TAFA1: variants seen among roughly 807,000 people sequenced by gnomAD.
TAFA1 encodes the protein TAFA chemokine like family member 1, also known as chemokine-like protein TAFA-1.
In TAFA1, 4 loss-of-function variants were observed where a neutral mutation model predicts 18.5. That is an observed-to-expected ratio of 0.22 (90% confidence interval 0.11 to 0.49). The LOEUF (loss-of-function observed/expected upper bound fraction) is 0.49, where lower values mean the gene tolerates loss of function less well. Ranked by LOEUF, TAFA1 falls within the 20% of genes least tolerant of loss-of-function variation. The pLI, the probability that TAFA1 is intolerant of heterozygous loss-of-function variation, is 0.98. For synonymous variants in TAFA1, 56 were observed against 55.2 expected (o/e 1.01, Z -0.06); for missense variants, 147 against 169.0 (o/e 0.87, Z 0.72).
chr3:68,272,223 G>A (rs1057442480), intron 2 of TAFA1, among the ~76,000 whole-genome samples: 1 of 152,076 alleles, frequency 6.6e-6, no homozygotes, highest in Non-Finnish European at 1.5e-5. Flanking sequence ...GTGTGCTGCT[G>A]GATCTTCATT....
At chr3:68,178,629 G>A (rs1051017916) in intron 2 of TAFA1, among the ~76,000 whole-genome samples, 2 of 152,220 alleles carry the variant, frequency 1.3e-5, no homozygotes, top group African/African-American at 4.8e-5. Flanking sequence ...AAGAGAAACA[G>A]ATATATATGC....
At chr3:68,076,405 C>A (rs1471390274) in intron 2 of TAFA1, among the ~76,000 whole-genome samples, 2 of 151,522 alleles carry the variant, frequency 1.3e-5, no homozygotes, top group Non-Finnish European at 2.9e-5. Flanking sequence ...GCGCTGCACC[C>A]ACTAACTCAT....
chr3:68,306,613 C>A (rs138327611), intron 2 of TAFA1, among the ~76,000 whole-genome samples: 8 of 152,290 alleles, frequency 5.3e-5, no homozygotes, highest in Non-Finnish European at 8.8e-5. Context: ...TCCGCCTCCA[C>A]CTCCTGGATG....
At chr3:68,404,862 G>T (rs531230945) in intron 2 of TAFA1, among the ~76,000 whole-genome samples, 1 of 151,520 alleles carries the variant, frequency 6.6e-6, no homozygotes, top group African/African-American at 2.4e-5. Context: ...GGCTCAGCAA[G>T]AGGACCAACT....
intron 2 of TAFA1, among the ~76,000 whole-genome samples, chr3:68,039,446 T>C (rs1362172473): frequency 6.6e-6 from 1 of 152,160 alleles, no homozygotes; most frequent in Non-Finnish European, 1.5e-5. Flanking sequence ...TTAGGTCGTT[T>C]CTAGGCTTTT....
chr3:68,279,970 C>T (rs903072458), intron 2 of TAFA1, among the ~76,000 whole-genome samples: 1 of 152,086 alleles, frequency 6.6e-6, no homozygotes, highest in Non-Finnish European at 1.5e-5. Flanking sequence ...GCATAGTGTT[C>T]TTATTTTCCC....
At chr3:68,091,229 G>A (rs370716287) in intron 2 of TAFA1, among the ~76,000 whole-genome samples, 26 of 152,278 alleles carry the variant, frequency 1.7e-4, no homozygotes, top group African/African-American at 6.0e-4. Context: ...TGAAAATTGG[G>A]CATTTTAAAT....
chr3:68,499,712 T>C (rs1359585529), intron 3 of TAFA1, among the ~76,000 whole-genome samples: 1 of 151,912 alleles, frequency 6.6e-6, no homozygotes, highest in Non-Finnish European at 1.5e-5. Context: ...GTAGCAGAAA[T>C]AAACGTATGA....
At chr3:68,402,054 C>T (rs1370000890) in intron 2 of TAFA1, among the ~76,000 whole-genome samples, 1 of 152,164 alleles carries the variant, frequency 6.6e-6, no homozygotes, top group African/African-American at 2.4e-5. Context: ...ATTCTACATT[C>T]TTGGCATGTC....
intron 2 of TAFA1, among the ~76,000 whole-genome samples, chr3:68,357,065 C>T (rs930058265): frequency 2.0e-5 from 3 of 151,776 alleles, no homozygotes; most frequent in Non-Finnish European, 2.9e-5. Flanking sequence ...ATAAAGATGC[C>T]ATGTATGTGT....
intron 2 of TAFA1, among the ~76,000 whole-genome samples, chr3:68,376,359 T>C (rs746506255): frequency 2.0e-4 from 31 of 152,174 alleles, no homozygotes; most frequent in Admixed American, 3.3e-4. Context: ...ATCCAGGTAT[T>C]AAGCCCAGTA....
At chr3:68,530,298 A>T (rs759202384) in intron 3 of TAFA1, among the ~76,000 whole-genome samples, 4 of 152,234 alleles carry the variant, frequency 2.6e-5, no homozygotes, top group Non-Finnish European at 4.4e-5. Context: ...AACAACAACC[A>T]TAATGAAAAA....
At chr3:68,065,680 T>C (rs1026238821) in intron 2 of TAFA1, among the ~76,000 whole-genome samples, 3 of 151,880 alleles carry the variant, frequency 2.0e-5, no homozygotes, top group South Asian at 2.1e-4. Flanking sequence ...CATAGGTAGA[T>C]ATAGAGACGA....
rs141242814 is a variant in TAFA1, at chr3:68,064,768, C to T, written c.118+58024C>T. ...GAGAAGTATCCTATTGTGGTTTATG[C>T]CATTGTATAATATTAATGATAAAGT... On this transcript the variant is annotated intron_variant, in intron 2 of 4. Coordinates refer to ENST00000478136, the MANE Select transcript of TAFA1 (RefSeq NM_213609.4). Among the ~76,000 whole-genome samples the T allele has an allele frequency of 3.7e-3, 567 of 151,430 alleles. 1 individual carries two copies. Among genetic ancestry groups the T allele is most frequent in the African/African-American group, 0.013 (548 of 41,244 alleles).
At chr3:68,350,049 G>A (rs1263828926) in intron 2 of TAFA1, among the ~76,000 whole-genome samples, 1 of 152,096 alleles carries the variant, frequency 6.6e-6, no homozygotes, top group African/African-American at 2.4e-5. Context: ...TGATTTAAGG[G>A]TTGTAAACTG....
intron 3 of TAFA1, among the ~76,000 whole-genome samples, chr3:68,466,722 C>T (rs957955081): frequency 3.9e-5 from 6 of 152,170 alleles, no homozygotes; most frequent in Admixed American, 3.9e-4. Flanking sequence ...AACATTAGCT[C>T]ATTGACCAAG....
intron 2 of TAFA1, among the ~76,000 whole-genome samples, chr3:68,377,545 C>T (rs926990880): frequency 6.6e-6 from 1 of 152,110 alleles, no homozygotes; most frequent in African/African-American, 2.4e-5. Context: ...AAATTTGCAG[C>T]CTGATGATGC....
intron 2 of TAFA1, among the ~76,000 whole-genome samples, chr3:68,299,279 C>T (rs1010968427): frequency 6.6e-6 from 1 of 152,160 alleles, no homozygotes; most frequent in Non-Finnish European, 1.5e-5. Context: ...AGATAAACAG[C>T]CCTAGCTATG....
the TAFA1 span, among the ~76,000 whole-genome samples, chr3:67,996,795 A>C: frequency 2.4e-5 from 2 of 84,240 alleles, no homozygotes; most frequent in Non-Finnish European, 4.9e-5. Flanking sequence ...CTCCACCTCA[A>C]AAAAACAAAA....
Sources: allele counts gnomAD v4.1 joint callset (sites outside exome capture counted in the v4.1 genomes callset), GRCh38; gene constraint gnomAD v4.1.1; transcripts MANE v1.5; gene names NCBI Gene and HGNC (gene_info 2026-07-23, HGNC 2026-07-21).